LEF1: variants seen among roughly 807,000 people sequenced by gnomAD.
The protein encoded by LEF1 is lymphoid enhancer binding factor 1, also known as lymphoid enhancer-binding factor 1.
LEF1 carries 14 observed loss-of-function variants against 51.2 expected under a neutral mutation model. The observed-to-expected ratio is 0.27, with a 90% confidence interval of 0.18 to 0.43. The LOEUF is 0.43. LEF1 is among the 20% of genes least tolerant of loss of function. The pLI is 1.00. For synonymous variants in LEF1, 185 were observed against 183.2 expected (o/e 1.01, Z -0.08); for missense variants, 386 against 512.0 (o/e 0.75, Z 2.37).
intron 9 of LEF1, among the ~76,000 whole-genome samples, chr4:108,067,919 C>T (rs998916378): frequency 3.9e-5 from 6 of 152,046 alleles, no homozygotes; most frequent in African/African-American, 1.4e-4. Context: ...GTAATTGCTG[C>T]TCAGAAAACA....
Position 108,167,267 on chromosome 4 carries a change from T to C in LEF1, c.213+288A>G, listed in dbSNP as rs1745470299. ...CCGAAGGCGAAACATTGTGGGTTCC[T>C]GCCCGCGAACCAACCGTTCAGCCAC... is the stretch of plus-strand genomic sequence containing the variant. On this transcript the variant is annotated intron_variant, in intron 1 of 11. Transcript: ENST00000265165. This position sits in a 1 kb window ranked among gnomAD's most constrained non-coding sequence, Gnocchi z 5.7. 6.6e-6 allele frequency among the ~76,000 whole-genome samples: 1 copy of C among 151,978 alleles called. No homozygotes were observed. The highest frequency in any genetic ancestry group is 1.5e-5 in the Non-Finnish European group (1 of 67,996).
At chr4:108,085,326 C>T (rs546464064) in intron 4 of LEF1, among the ~76,000 whole-genome samples, 13 of 152,316 alleles carry the variant, frequency 8.5e-5, no homozygotes, top group East Asian at 5.8e-4. Context: ...TCAGGTGATC[C>T]GCCCGCCTCG....
At chr4:108,052,618 T>C (rs1737073159) in intron 11 of LEF1, among the ~76,000 whole-genome samples, 1 of 152,200 alleles carries the variant, frequency 6.6e-6, no homozygotes, top group Admixed American at 6.5e-5. Context: ...TACAGACTTC[T>C]ACAGCAGGAA....
chr4:108,097,920 G>C (rs775003159), intron 3 of LEF1, among the ~76,000 whole-genome samples: 30 of 152,138 alleles, frequency 2.0e-4, no homozygotes, highest in Non-Finnish European at 3.1e-4. Context: ...GAGAAGTCAG[G>C]AGCAAAAGCT....
chr4:108,157,142 T>A (rs1423871957), intron 3 of LEF1, among the ~76,000 whole-genome samples: 2 of 147,552 alleles, frequency 1.4e-5, no homozygotes, highest in Non-Finnish European at 3.0e-5. Context: ...TATATCTACC[T>A]CTTCATTCTC....
Position 108,058,019 on chromosome 4 carries a change from G to A in LEF1, c.*6+5604C>T, listed in dbSNP as rs553540043. ...CTCCTGAGCAGCTGGGATTACAGGC[G>A]CCTGCCACCACACCTGGCTAATTTT... On this transcript the variant is annotated intron_variant, in intron 11 of 11. Transcript: ENST00000265165. 1.3e-3 allele frequency among the ~76,000 whole-genome samples: 198 copies of A among 151,984 alleles called. 1 individual carries two copies. Among genetic ancestry groups the A allele is most frequent in the African/African-American group, 4.5e-3 (185 of 41,462 alleles).
Position 108,071,470 on chromosome 4 carries a change from C to G in LEF1, c.1009-700G>C, listed in dbSNP as rs182116932. Among the ~76,000 whole-genome samples, 252 of 152,280 alleles carry G rather than the reference C, an allele frequency of 1.7e-3. 1 individual carries two copies. Among genetic ancestry groups the G allele is most frequent in the African/African-American group, 5.8e-3 (241 of 41,558 alleles). ...GCATTATTTAAGTTTGTTTTGCCAT[C>G]TAGAATTTGAGACTGTAATTTCTAA... On this transcript the variant is annotated intron_variant, in intron 8 of 11. Transcript: ENST00000265165.
Position 108,066,217 on chromosome 4 carries a change from C to T in LEF1, c.1117-1833G>A, listed in dbSNP as rs182747430. On this transcript the variant is annotated intron_variant, in intron 9 of 11. Transcript: ENST00000265165. ...GGACAGGGAGTAGAGAGGGAGTGCACGCTTCTTTCAAGTATCCACAACGGT... is the reference window on the plus strand; with the variant it reads ...GGACAGGGAGTAGAGAGGGAGTGCATGCTTCTTTCAAGTATCCACAACGGT... Among the ~76,000 whole-genome samples, 6 of 152,252 alleles carry T rather than the reference C, an allele frequency of 3.9e-5. No individual in the cohort carries two copies. In the East Asian group the frequency reaches 9.6e-4, roughly 24 times the overall value.
chr4:108,089,201 G>A lies in LEF1; in HGVS notation c.471C>T (p.Leu157=). The change falls in exon 4 of 12, where the codon CTC becomes CTT. Residue 157 remains leucine (L), a synonymous_variant. Transcript: ENST00000265165. Reference sequence around the variant, plus strand: ...AAAAGTGCTCGTCACTGTAAGTGATGAGGGGGGTGAGAGGATGGACCGCAT... The same window carrying A: ...AAAAGTGCTCGTCACTGTAAGTGATAAGGGGGGTGAGAGGATGGACCGCAT... ...PSHAVHPLTP[L]ITYSDEHFSP... 6.2e-7 allele frequency: 1 copy of A among 1,614,128 alleles called. No homozygotes were observed. The highest frequency in any genetic ancestry group is 8.5e-7 in the Non-Finnish European group (1 of 1,179,998).
intron 8 of LEF1, among the ~76,000 whole-genome samples, chr4:108,074,354 C>T (rs146763928): frequency 1.3e-5 from 2 of 152,200 alleles, no homozygotes; most frequent in East Asian, 1.9e-4. Flanking sequence ...CAAGATAAAA[C>T]ATTCTCATGA....
At chr4:108,150,649 T>C (rs17038672) in intron 3 of LEF1, among the ~76,000 whole-genome samples, 4,521 of 152,264 alleles carry the variant, frequency 0.03, 216 homozygotes, top group African/African-American at 0.1. Flanking sequence ...ATTTATGAAT[T>C]GGGCCCCAGC....
intron 3 of LEF1, among the ~76,000 whole-genome samples, chr4:108,100,013 A>G (rs1379523429): frequency 2.0e-5 from 3 of 152,166 alleles, no homozygotes; most frequent in Middle Eastern, 3.2e-3. Flanking sequence ...TCCATTTCAC[A>G]TCATAGCACA....
At chr4:108,049,934 A>C (rs969596303) in intron 11 of LEF1, among the ~76,000 whole-genome samples, 2 of 152,222 alleles carry the variant, frequency 1.3e-5, no homozygotes, top group African/African-American at 4.8e-5. Flanking sequence ...GGCTTTTGGA[A>C]AGAGAGGTTT....
Position 108,078,261 on chromosome 4 carries a change from G to C in LEF1, c.967C>G (p.Leu323Val). The C allele has an allele frequency of 1.9e-6, 3 of 1,614,174 alleles. No individual in the cohort carries two copies. The highest frequency in any genetic ancestry group is 2.5e-6 in the Non-Finnish European group (3 of 1,180,030). ...MRANVVAECT[L>V]KESAAINQIL... ...TGGTTGATAGCTGCACTTTCTTTTA[G>C]AGTACACTCAGCAACGACATTCGCT... The change falls in exon 8 of 12, where the codon CTA becomes GTA. Residue 323 changes from leucine (L) to valine (V), a missense_variant. This residue lies in a region of LEF1 where 51 missense variants were observed against 121.3 expected (regional missense o/e 0.42). Transcript: ENST00000265165.
chr4:108,137,485 A>T lies in LEF1; in HGVS notation c.414+26083T>A, dbSNP rs557831975. Among the ~76,000 whole-genome samples the T allele has an allele frequency of 4.5e-4, 69 of 152,364 alleles. 1 individual carries two copies. The highest frequency in any genetic ancestry group is 1.4e-3 in the South Asian group (7 of 4,828). The stretch of plus-strand genomic sequence containing the variant: ...TTTCAATGTGGAGTTTTTATGTGAT[A>T]AAAATGCCCTCAAAGATAGGAAAAG... On this transcript the variant is annotated intron_variant, in intron 3 of 11. Transcript: ENST00000265165.
intron 3 of LEF1, among the ~76,000 whole-genome samples, chr4:108,105,507 T>G (rs1040983894): frequency 6.6e-6 from 1 of 152,124 alleles, no homozygotes; most frequent in Non-Finnish European, 1.5e-5. Context: ...ATCCACTCCT[T>G]AAGAAGACTA....
At chr4:108,101,861 G>A (rs1242932576) in intron 3 of LEF1, among the ~76,000 whole-genome samples, 1 of 152,148 alleles carries the variant, frequency 6.6e-6, no homozygotes, top group African/African-American at 2.4e-5. Flanking sequence ...AGGAGTTTGA[G>A]ACCAGCCTGA....
At chr4:108,099,586 A>ATGTG (rs1327585087) in intron 3 of LEF1, among the ~76,000 whole-genome samples, 1 of 46,880 alleles carries the variant, frequency 2.1e-5, no homozygotes, top group African/African-American at 5.7e-5. Context: ...ATATATATAT[A>ATGTG]TATATATATA....
chr4:108,165,170 T>A lies in LEF1; in HGVS notation c.214-7A>T, dbSNP rs780324389. ...TTTGTGCTTGTCTGGCCACCTAACA[T>A]CATGAATCCCCACACCCAAAAGAAA... On this transcript the variant is annotated splice_region_variant and splice_polypyrimidine_tract_variant and intron_variant, in intron 1 of 11. Transcript: ENST00000265165. 1.9e-6 allele frequency: 3 copies of A among 1,613,750 alleles called. No homozygotes were observed. In the East Asian group the frequency reaches 6.7e-5, roughly 36 times the overall value.
Sources: allele counts gnomAD v4.1 joint callset (sites outside exome capture counted in the v4.1 genomes callset), GRCh38; gene constraint gnomAD v4.1.1; regional missense constraint gnomAD v4.1.1; non-coding constraint Gnocchi (gnomAD v3.1); transcripts MANE v1.5; gene names NCBI Gene and HGNC (gene_info 2026-07-23, HGNC 2026-07-21).